Variants in SRFBP1 observed in about 807,000 individuals in gnomAD.
SRFBP1 encodes serum response factor binding protein 1.
SRFBP1 carries 47 observed loss-of-function variants against 45.5 expected under a neutral mutation model. The ratio of observed to expected loss-of-function variants is 1.03; its 90% CI spans 0.82 to 1.32. The LOEUF (loss-of-function observed/expected upper bound fraction) is 1.32, where lower values mean the gene tolerates loss of function less well. Among genes scored for constraint, SRFBP1 ranks in the 40% most tolerant of loss-of-function variants. SRFBP1 has a pLI of 0.00. For missense variants in SRFBP1, 621 were observed against 484.6 expected (o/e 1.28, Z -2.64); for synonymous variants, 203 against 166.3 (o/e 1.22, Z -1.70).
rs190760763 is a variant in SRFBP1 at position 122,039,158 on chromosome 5, G to A, written n.311+16751G>A. Among the ~76,000 whole-genome samples, 157 of 152,212 alleles carry A rather than the reference G, an allele frequency of 1.0e-3. 1 individual carries two copies. Among genetic ancestry groups the A allele is most frequent in the Admixed American group, 2.0e-3 (31 of 15,280 alleles). ...GTGTCCTCTGTATCTCTCATATTCC[G>A]TAATGGGAATGGCAGCTTCTATTAT... On this transcript the variant is annotated intron_variant and non_coding_transcript_variant, in intron 2 of 2. Coordinates refer to the SRFBP1 transcript ENST00000504881.
downstream of SRFBP1, chr5:122,075,649 C>G (rs1754596588): frequency 1.4e-6 from 1 of 696,498 alleles, no homozygotes. Flanking sequence ...CCTTTCCCAA[C>G]TAGACTATCA....
intron 2 of SRFBP1, among the ~76,000 whole-genome samples, chr5:122,061,082 T>C (rs1218337624): frequency 1.3e-5 from 2 of 151,970 alleles, no homozygotes; most frequent in African/African-American, 2.4e-5. Context: ...ATATTAGCTG[T>C]GTGGCAATGG....
chr5:122,038,009 T>G (rs1297131155), intron 2 of SRFBP1, among the ~76,000 whole-genome samples: 3 of 152,256 alleles, frequency 2.0e-5, no homozygotes, highest in African/African-American at 7.2e-5. Flanking sequence ...TCTGAGCCAT[T>G]TCCAGGTGTG....
At chr5:121,973,680 C>T (rs2112817370) in intron 1 of SRFBP1, among the ~76,000 whole-genome samples, 1 of 151,288 alleles carries the variant, frequency 6.6e-6, no homozygotes, top group African/African-American at 2.4e-5. Context: ...GTTTGTGGAT[C>T]TTCTTTTAAA....
chr5:121,984,834 A>G (rs1282973154), intron 3 of SRFBP1, among the ~76,000 whole-genome samples: 1 of 151,786 alleles, frequency 6.6e-6, no homozygotes, highest in African/African-American at 2.4e-5. Context: ...ATCCATTATC[A>G]TTGTCCAGAT....
At chr5:121,985,407 G>C (rs1050787458) in intron 3 of SRFBP1, among the ~76,000 whole-genome samples, 1 of 150,754 alleles carries the variant, frequency 6.6e-6, no homozygotes, top group Non-Finnish European at 1.5e-5. Flanking sequence ...AGATTATTTT[G>C]TTAGTTTCTA....
At chr5:121,993,915 T>C (rs1182557108) in intron 3 of SRFBP1, among the ~76,000 whole-genome samples, 3 of 152,044 alleles carry the variant, frequency 2.0e-5, no homozygotes, top group South Asian at 4.1e-4. Flanking sequence ...TACTTTTTCA[T>C]TGTGACCGGA....
At chr5:122,077,843 C>A, downstream of SRFBP1, 1 of 1,549,716 alleles carries the variant, frequency 6.5e-7, no homozygotes, top group East Asian at 2.5e-5. The surrounding 1 kb of genome is among the most constrained non-coding windows in gnomAD (Gnocchi z 4.9). Context: ...GTTGTTCTCC[C>A]ATTGGATCTG....
chr5:122,019,163 CTAATTTT>C lies in SRFBP1; in HGVS notation c.271-96_271-90del. The stretch of plus-strand genomic sequence containing the variant: ...TATTAACTAGTTCTATTCTCCAACT[CTAATTTT>C]AAAGACTATGATAGATTTTATTTTA... On this transcript the variant is annotated intron_variant, in intron 4 of 7. Transcript: ENST00000339397. 4 of 1,026,382 alleles carry C rather than the reference CTAATTTT, an allele frequency of 3.9e-6. No homozygotes were observed. In the South Asian group the frequency reaches 5.7e-5, roughly 15 times the overall value. The allele number at this position is 1,026,382 out of a possible 1,614,324, so 63.6% of individuals were successfully genotyped here.
chr5:122,061,548 A>G (rs1449225107), intron 2 of SRFBP1, among the ~76,000 whole-genome samples: 3 of 152,024 alleles, frequency 2.0e-5, no homozygotes, highest in Admixed American at 2.0e-4. Context: ...AATGGGAAGT[A>G]CAAAACTTTA....
chr5:122,061,386 T>C (rs950149745), intron 2 of SRFBP1, among the ~76,000 whole-genome samples: 3 of 151,894 alleles, frequency 2.0e-5, no homozygotes, highest in African/African-American at 7.2e-5. Flanking sequence ...AATGGTTCTC[T>C]TTTTGGTTAT....
At position 122,027,033 on chromosome 5, in the gene SRFBP1, T is replaced by C. The variant is rs1420864511; in HGVS notation, c.1197T>C (p.Pro399=). The C allele has an allele frequency of 1.2e-6, 2 of 1,612,936 alleles. No homozygotes were observed. The part of the protein sequence containing the change: ...LENTKQQLQL[P]LHPSWEASRR... ...ATACAAAACAGCAATTGCAGCTGCC[T>C]CTTCATCCTTCATGGGAAGCAAGCA... The change falls in exon 8 of 8, where the codon CCT becomes CCC. Residue 399 remains proline, a synonymous_variant. Coordinates refer to ENST00000339397, the MANE Select transcript of SRFBP1 (RefSeq NM_152546.3).
At chr5:121,993,974 T>G (rs1752666820) in intron 3 of SRFBP1, among the ~76,000 whole-genome samples, 1 of 152,060 alleles carries the variant, frequency 6.6e-6, no homozygotes, top group African/African-American at 2.4e-5. Context: ...GTTACTGTAC[T>G]TTCTTTGACT....
At chr5:122,046,202 T>G (rs1366456646) in intron 2 of SRFBP1, among the ~76,000 whole-genome samples, 1 of 151,100 alleles carries the variant, frequency 6.6e-6, no homozygotes, top group African/African-American at 2.4e-5. Flanking sequence ...CCACCCCCCC[T>G]CACCCCACAA....
intron 2 of SRFBP1, among the ~76,000 whole-genome samples, chr5:122,034,269 G>C (rs1753647635): frequency 6.6e-6 from 1 of 152,148 alleles, no homozygotes; most frequent in Non-Finnish European, 1.5e-5. Flanking sequence ...TATGTTTGCT[G>C]TCAACCCTGC....
intron 2 of SRFBP1, chr5:122,065,491 T>A (rs1479860763): frequency 6.6e-6 from 1 of 152,038 alleles, no homozygotes; most frequent in African/African-American, 2.4e-5. Context: ...TCAAATGAAA[T>A]CACAGCTGTC....
downstream of SRFBP1, among the ~76,000 whole-genome samples, chr5:122,032,483 T>C (rs564885981): frequency 6.6e-6 from 1 of 152,050 alleles, no homozygotes; most frequent in East Asian, 1.9e-4. Flanking sequence ...TATATGTCTA[T>C]TTTTCTTACC....
At chr5:122,075,724 G>A (rs1462052631), downstream of SRFBP1, among the ~76,000 whole-genome samples, 2 of 152,082 alleles carry the variant, frequency 1.3e-5, no homozygotes, top group Non-Finnish European at 1.5e-5. Flanking sequence ...TCCTAGAACC[G>A]TCTTGGAGTA....
intron 3 of SRFBP1, among the ~76,000 whole-genome samples, chr5:121,992,909 T>G (rs1305992080): frequency 6.6e-6 from 1 of 152,100 alleles, no homozygotes; most frequent in East Asian, 1.9e-4. Context: ...TTAAAAATTT[T>G]GATACTCTGG....
Sources: allele counts gnomAD v4.1 joint callset (sites outside exome capture counted in the v4.1 genomes callset), GRCh38; gene constraint gnomAD v4.1.1; non-coding constraint Gnocchi (gnomAD v3.1); transcripts MANE v1.5; gene names NCBI Gene and HGNC (gene_info 2026-07-23, HGNC 2026-07-21).